The following ARB2A variants were observed in gnomAD, a reference collection of about 807,000 sequenced individuals.
ARB2A encodes cotranscriptional regulator ARB2A.
the ARB2A span, among the ~76,000 whole-genome samples, chr5:93,946,964 A>G: frequency 3.9e-5 from 6 of 152,018 alleles, no homozygotes; most frequent in African/African-American, 1.5e-4. Flanking sequence ...AGAGTATTAT[A>G]TGTTATTCTA....
At chr5:93,993,818 ATATATT>A in the ARB2A span, among the ~76,000 whole-genome samples, 1 of 150,366 alleles carries the variant, frequency 6.7e-6, no homozygotes, top group Admixed American at 6.6e-5. Context: ...TAAATACTAT[ATATATT>A]TATATTTATG....
the ARB2A span, among the ~76,000 whole-genome samples, chr5:93,817,692 G>A: frequency 3.9e-5 from 6 of 152,062 alleles, no homozygotes; most frequent in East Asian, 1.2e-3. Context: ...TTTTGACAAG[G>A]GTGCTAAGAC....
the ARB2A span, among the ~76,000 whole-genome samples, chr5:93,975,297 A>G: frequency 6.7e-6 from 1 of 148,222 alleles, no homozygotes. Context: ...AGCCTGGGAC[A>G]CAGAGCAAGA....
At chr5:93,802,064 C>A in the ARB2A span, among the ~76,000 whole-genome samples, 4 of 151,808 alleles carry the variant, frequency 2.6e-5, no homozygotes, top group East Asian at 5.8e-4. Flanking sequence ...ATCTGAAGAA[C>A]AAATAAATAT....
At chr5:93,870,649 T>C in the ARB2A span, among the ~76,000 whole-genome samples, 1 of 152,166 alleles carries the variant, frequency 6.6e-6, no homozygotes, top group Admixed American at 6.5e-5. Flanking sequence ...CAATGAAGAA[T>C]AAAACTGCCT....
At chr5:94,050,152 C>T in the ARB2A span, among the ~76,000 whole-genome samples, 4 of 151,880 alleles carry the variant, frequency 2.6e-5, no homozygotes, top group Non-Finnish European at 5.9e-5. Flanking sequence ...ATTGTCCAGG[C>T]TAGTCTCAAA....
At chr5:93,937,526 C>T in the ARB2A span, among the ~76,000 whole-genome samples, 1 of 151,580 alleles carries the variant, frequency 6.6e-6, no homozygotes, top group African/African-American at 2.4e-5. Flanking sequence ...GCAGGAGAAT[C>T]GCCTGAACCC....
the ARB2A span, among the ~76,000 whole-genome samples, chr5:93,911,666 A>T: frequency 6.6e-6 from 1 of 151,574 alleles, no homozygotes; most frequent in African/African-American, 2.4e-5. Flanking sequence ...ACACACAAAC[A>T]CATTTCATAG....
At chr5:94,068,300 T>G in the ARB2A span, among the ~76,000 whole-genome samples, 1 of 152,170 alleles carries the variant, frequency 6.6e-6, no homozygotes, top group Non-Finnish European at 1.5e-5. Context: ...TCTAGCCCAA[T>G]TGGGAGCGGC....
chr5:93,895,793 C>A, the ARB2A span, among the ~76,000 whole-genome samples: 1 of 151,736 alleles, frequency 6.6e-6, no homozygotes. Context: ...GAACTAGTTT[C>A]CATTAAATTT....
the ARB2A span, among the ~76,000 whole-genome samples, chr5:93,818,506 C>T: frequency 2.0e-5 from 3 of 152,012 alleles, no homozygotes; most frequent in East Asian, 1.9e-4. Flanking sequence ...TGCAAACAAG[C>T]GAACGTAAGC....
At chr5:93,785,284 T>A in the ARB2A span, among the ~76,000 whole-genome samples, 1 of 152,186 alleles carries the variant, frequency 6.6e-6, no homozygotes, top group African/African-American at 2.4e-5. Flanking sequence ...TAATTTGGTG[T>A]AATAAATGTA....
chr5:93,620,801 C>T, the ARB2A span: 1 of 658,446 alleles, frequency 1.5e-6, no homozygotes, highest in Non-Finnish European at 2.3e-6. Context: ...CCAGTGAACC[C>T]ATATTGCTTT....
At chr5:93,999,492 G>GA in the ARB2A span, among the ~76,000 whole-genome samples, 1 of 151,938 alleles carries the variant, frequency 6.6e-6, no homozygotes, top group African/African-American at 2.4e-5. Flanking sequence ...GTGCTGCCCA[G>GA]AAAATGTTTC....
chr5:93,852,067 A>T, the ARB2A span, among the ~76,000 whole-genome samples: 1 of 152,136 alleles, frequency 6.6e-6, no homozygotes, highest in Non-Finnish European at 1.5e-5. Context: ...TACAGTCCCA[A>T]CAACAGTGTA....
chr5:93,824,306 CTAAT>C, the ARB2A span: 1 of 1,430,322 alleles, frequency 7.0e-7, no homozygotes, highest in South Asian at 1.4e-5. Flanking sequence ...CATATTATAC[CTAAT>C]TATTATCATA....
the ARB2A span, among the ~76,000 whole-genome samples, chr5:94,048,296 A>ACCCT: frequency 2.6e-5 from 4 of 151,544 alleles, no homozygotes; most frequent in African/African-American, 9.7e-5. Flanking sequence ...CTCGTGATCC[A>ACCCT]CCCTCCTTGG....
the ARB2A span, chr5:93,865,403 T>C: frequency 1.1e-4 from 108 of 985,330 alleles, no homozygotes; most frequent in African/African-American, 1.7e-3. Flanking sequence ...TTCATGTGAG[T>C]AGAAATTACA....
chr5:93,849,976 AT>A, the ARB2A span, among the ~76,000 whole-genome samples: 1 of 152,158 alleles, frequency 6.6e-6, no homozygotes, highest in Non-Finnish European at 1.5e-5. Flanking sequence ...GTTCTAATTA[AT>A]TTAATCCTCA....
Sources: allele counts gnomAD v4.1 joint callset (sites outside exome capture counted in the v4.1 genomes callset), GRCh38; gene constraint gnomAD v4.1.1; transcripts MANE v1.5; gene names NCBI Gene and HGNC (gene_info 2026-07-23, HGNC 2026-07-21).